The following CADM1 variants were observed in gnomAD, a reference collection of about 807,000 sequenced individuals.
CADM1 encodes the protein cell adhesion molecule 1.
A neutral mutation model predicts 53.1 loss-of-function variants in CADM1; 15 were observed. That is an observed-to-expected ratio of 0.28 (90% CI 0.19 to 0.44). The LOEUF (loss-of-function observed/expected upper bound fraction) is 0.44. Among genes scored for constraint, CADM1 ranks in the 20% least tolerant of loss-of-function variants. The pLI is 1.00. For synonymous variants in CADM1, 281 were observed against 243.0 expected, an observed-to-expected ratio of 1.16 and a Z score of -1.45; for missense variants, 434 against 611.3, an observed-to-expected ratio of 0.71 and a Z score of 3.06.
intron 1 of CADM1, among the ~76,000 whole-genome samples, chr11:115,476,618 A>C (rs1256661623): frequency 6.6e-6 from 1 of 152,200 alleles, no homozygotes; most frequent in East Asian, 1.9e-4. Context: ...CATAATTTAC[A>C]CTAAGAAAAT....
At chr11:115,353,031 T>G (rs531806086) in intron 1 of CADM1, among the ~76,000 whole-genome samples, 2 of 152,246 alleles carry the variant, frequency 1.3e-5, no homozygotes, top group Admixed American at 6.5e-5. Flanking sequence ...ACTTTTGAAT[T>G]ATTTCCTTAT....
chr11:115,175,398 T>C lies in CADM1; in HGVS notation c.*1076A>G. On this transcript the variant is annotated 3_prime_UTR_variant, in exon 12 of 12. Coordinates refer to ENST00000331581, the MANE Select transcript of CADM1 (RefSeq NM_001301043.2). ...AGGAAAAAAAAAAAAAAATCAACTC[T>C]GTCCCATTCAGTCATTCGCACAACA... 2.0e-6 allele frequency: 2 copies of C among 983,642 alleles called. No individual in the cohort carries two copies. Among genetic ancestry groups the C allele is most frequent in the Non-Finnish European group, 2.4e-6 (2 of 828,970 alleles). The allele number at this position is 983,642 out of a possible 1,614,324, so 60.9% of individuals were successfully genotyped here.
At chr11:115,428,186 A>C (rs1273836409) in intron 1 of CADM1, among the ~76,000 whole-genome samples, 2 of 152,066 alleles carry the variant, frequency 1.3e-5, no homozygotes, top group African/African-American at 4.8e-5. Context: ...TTTATGAAAA[A>C]ACGTATCATT....
At chr11:115,221,516 A>C (rs1324699356) in intron 5 of CADM1, among the ~76,000 whole-genome samples, 3 of 152,314 alleles carry the variant, frequency 2.0e-5, no homozygotes, top group African/African-American at 7.2e-5. Flanking sequence ...TCTCTCTATA[A>C]AGGGAAAAAA....
intron 8 of CADM1, among the ~76,000 whole-genome samples, chr11:115,200,502 C>T (rs11823428): frequency 9.4e-4 from 142 of 150,880 alleles, no homozygotes; most frequent in South Asian, 5.6e-3. Context: ...CTTTTCTTTT[C>T]TTTTTTTTTT....
rs775742585 is a variant in CADM1, at chr11:115,217,984, A to C, written c.729T>G (p.Pro243=). The C allele has an allele frequency of 3.1e-6, 5 of 1,611,366 alleles. No homozygotes were observed. The highest frequency in any genetic ancestry group is 4.2e-6 in the Non-Finnish European group (5 of 1,177,672). Residue 243 remains proline (P), a synonymous_variant, in exon 6 of 12, where the codon CCT becomes CCG. Coordinates refer to ENST00000331581, the MANE Select transcript of CADM1 (RefSeq NM_001301043.2). ...GATAAGTCATCTGAATGTGCACTTG[A>C]GGCTTATCTGTGTGACAAAAACACA... The part of the protein sequence containing the change: ...TQRYLEVQYK[P]QVHIQMTYPL...
chr11:115,248,104 T>C (rs998474281), intron 1 of CADM1, among the ~76,000 whole-genome samples: 7 of 152,242 alleles, frequency 4.6e-5, no homozygotes, highest in Non-Finnish European at 1.0e-4. Flanking sequence ...CTAATATGCA[T>C]CAAACCATTT....
intron 1 of CADM1, among the ~76,000 whole-genome samples, chr11:115,482,557 G>T (rs1361545230): frequency 6.6e-6 from 1 of 152,144 alleles, no homozygotes; most frequent in Non-Finnish European, 1.5e-5. Flanking sequence ...ATTCACTGTA[G>T]CCCAGAGCCT....
At chr11:115,299,158 T>A (rs1375265336) in intron 1 of CADM1, among the ~76,000 whole-genome samples, 1 of 152,178 alleles carries the variant, frequency 6.6e-6, no homozygotes, top group African/African-American at 2.4e-5. Flanking sequence ...TGACTGCCCG[T>A]GAAGTTCACT....
At chr11:115,383,814 T>A (rs953022097) in intron 1 of CADM1, among the ~76,000 whole-genome samples, 10 of 152,214 alleles carry the variant, frequency 6.6e-5, no homozygotes, top group African/African-American at 2.4e-4. Flanking sequence ...AAATGGCTGA[T>A]CTTTATTCTG....
intron 1 of CADM1, among the ~76,000 whole-genome samples, chr11:115,451,121 C>T (rs919333134): frequency 2.0e-5 from 3 of 152,222 alleles, no homozygotes; most frequent in African/African-American, 7.2e-5. Context: ...CTTCTACACA[C>T]ATATGCTAGA....
chr11:115,200,139 C>A (rs1355465813), intron 8 of CADM1, among the ~76,000 whole-genome samples: 1 of 152,172 alleles, frequency 6.6e-6, no homozygotes, highest in South Asian at 2.1e-4. Flanking sequence ...AGCTTAGTTT[C>A]TGATGAATAG....
intron 1 of CADM1, among the ~76,000 whole-genome samples, chr11:115,498,660 G>A (rs1402494088): frequency 6.6e-6 from 1 of 152,200 alleles, no homozygotes; most frequent in Non-Finnish European, 1.5e-5. Context: ...AGCAATAATC[G>A]TGCTGTAGCT....
intron 1 of CADM1, among the ~76,000 whole-genome samples, chr11:115,330,639 C>T (rs1312234893): frequency 4.6e-5 from 7 of 152,144 alleles, no homozygotes; most frequent in African/African-American, 1.4e-4. Context: ...AATATACTCC[C>T]ACCCTCATCT....
intron 1 of CADM1, among the ~76,000 whole-genome samples, chr11:115,310,563 T>C (rs750807849): frequency 6.6e-6 from 1 of 152,156 alleles, no homozygotes; most frequent in Non-Finnish European, 1.5e-5. Flanking sequence ...ATTGTAAAAT[T>C]AAGACAGATT....
intron 10 of CADM1, among the ~76,000 whole-genome samples, chr11:115,185,113 T>C (rs1375233089): frequency 2.0e-5 from 3 of 152,218 alleles, no homozygotes; most frequent in African/African-American, 4.8e-5. Flanking sequence ...ACTGTTTTCA[T>C]TTCCTGAGCC....
intron 1 of CADM1, among the ~76,000 whole-genome samples, chr11:115,320,457 T>C (rs1944793831): frequency 6.6e-6 from 1 of 152,176 alleles, no homozygotes; most frequent in Non-Finnish European, 1.5e-5. Context: ...TAAATAAAAT[T>C]TGCAATTTCT....
chr11:115,201,200 C>T (rs1165524171), intron 8 of CADM1, among the ~76,000 whole-genome samples: 1 of 152,086 alleles, frequency 6.6e-6, no homozygotes, highest in African/African-American at 2.4e-5. Flanking sequence ...GGAGCAGCAA[C>T]GGGGTAGGAG....
chr11:115,412,534 T>C (rs1947484908), intron 1 of CADM1, among the ~76,000 whole-genome samples: 1 of 152,204 alleles, frequency 6.6e-6, no homozygotes, highest in Non-Finnish European at 1.5e-5. Context: ...TCAAAATTGC[T>C]TGTCTATATG....
Sources: allele counts gnomAD v4.1 joint callset (sites outside exome capture counted in the v4.1 genomes callset), GRCh38; gene constraint gnomAD v4.1.1; transcripts MANE v1.5; gene names NCBI Gene and HGNC (gene_info 2026-07-23, HGNC 2026-07-21).